The following CD300LF variants were observed in gnomAD, a reference collection of about 807,000 sequenced individuals.
CD300LF encodes the protein CMRF35-like molecule 1.
A neutral mutation model predicts 32.2 loss-of-function variants in CD300LF; 27 were observed. That is an observed-to-expected ratio of 0.84 (90% CI 0.62 to 1.15). The LOEUF is 1.15. Among genes scored for constraint, CD300LF ranks in the 50% most tolerant of loss-of-function variants. The pLI is 0.00. For missense variants in CD300LF, 348 were observed against 356.8 expected (o/e 0.98, Z 0.20); for synonymous variants, 139 against 143.2 (o/e 0.97, Z 0.21).
intron 2 of CD300LF, 21 bp downstream of exon 2, chr17:74,704,457 C>T: frequency 6.4e-7 from 1 of 1,556,500 alleles, no homozygotes; most frequent in East Asian, 2.2e-5. Context: ...GAGACACACA[C>T]ATATATACAC....
intron 5 of CD300LF, 112 bp downstream of exon 5, chr17:74,696,083 G>T: frequency 1.4e-6 from 2 of 1,409,774 alleles, no homozygotes; most frequent in East Asian, 2.3e-5. Context: ...ATGAGGACAG[G>T]ATACTTTGGC....
intron 1 of CD300LF, 33 bp downstream of exon 1, chr17:74,712,791 C>A (rs1351113356): frequency 3.1e-6 from 5 of 1,613,438 alleles, no homozygotes; most frequent in Admixed American, 3.3e-5. Flanking sequence ...GCTTGCTAAG[C>A]TTCCCCAAGA....
chr17:74,694,930 C>T lies in CD300LF; in HGVS notation c.*166G>A. 1 of 654,328 alleles carries T rather than the reference C, an allele frequency of 1.5e-6. No individual in the cohort carries two copies. The highest frequency in any genetic ancestry group is 2.5e-6 in the Non-Finnish European group (1 of 400,990). The allele number at this position is 654,328 out of a possible 1,614,324, so 40.5% of individuals were successfully genotyped here. A position where few individuals can be genotyped will look rare whatever the true frequency, so the allele number is the denominator to read the frequency against. ...GAAAACCCCAACTCCTAGAAGCCCC[C>T]TGAGACTTGGCCCCAAGCCCAACCC... On this transcript the variant is annotated 3_prime_UTR_variant, in exon 7 of 7. Transcript: ENST00000326165.
At position 74,704,727 on chromosome 17, in the gene CD300LF, C is replaced by T. The variant is rs527715372; in HGVS notation, c.133G>A (p.Gly45Ser). The change falls in exon 2 of 7, where the codon GGC becomes AGC. Residue 45 changes from glycine to serine, a missense_variant. By Grantham distance (56) the Gly-to-Ser change is moderately conservative. Coordinates refer to ENST00000326165, the MANE Select transcript of CD300LF (RefSeq NM_139018.5). ...SLTVQCVYRS[G>S]WETYLKWWCR... ...CACCACTTCAAGTAGGTCTCCCAGC[C>T]TGATCTGTAAACACACTGCACGGTC... 2 of 1,614,194 alleles carry T rather than the reference C, an allele frequency of 1.2e-6. No individual in the cohort carries two copies. The highest frequency in any genetic ancestry group is 2.7e-5 in the African/African-American group (2 of 75,046).
At chr17:74,711,423 C>A (rs2033953433) in intron 1 of CD300LF, among the ~76,000 whole-genome samples, 1 of 152,198 alleles carries the variant, frequency 6.6e-6, no homozygotes, top group African/African-American at 2.4e-5. Context: ...AACATCTCAC[C>A]CAAAGTCTGC....
At position 74,704,611 on chromosome 17, in the gene CD300LF, C is replaced by T; in HGVS notation, c.249G>A (p.Lys83=). 1.2e-6 allele frequency: 2 copies of T among 1,614,122 alleles called. No individual in the cohort carries two copies. The highest frequency in any genetic ancestry group is 1.7e-6 in the Non-Finnish European group (2 of 1,180,016). The stretch of plus-strand genomic sequence containing the variant: ...TGAACGTGCGGTTTTTCTGATTGTC[C>T]TTGATGGACACCCGGTCCCTCTTCA... The part of the protein sequence containing the change: ...QEVKRDRVSI[K]DNQKNRTFTV... Residue 83 remains lysine (K), a synonymous_variant, in exon 2 of 7, where the codon AAG becomes AAA. Coordinates refer to ENST00000326165, the MANE Select transcript of CD300LF (RefSeq NM_139018.5).
chr17:74,694,930 C>G lies in CD300LF; in HGVS notation c.*166G>C. On this transcript the variant is annotated 3_prime_UTR_variant, in exon 7 of 7. Transcript: ENST00000326165. ...GAAAACCCCAACTCCTAGAAGCCCC[C>G]TGAGACTTGGCCCCAAGCCCAACCC... 1.5e-6 allele frequency: 1 copy of G among 654,328 alleles called. No homozygotes were observed. Among genetic ancestry groups the G allele is most frequent in the Non-Finnish European group, 2.5e-6 (1 of 400,990 alleles). The allele number at this position is 654,328 out of a possible 1,614,324, so 40.5% of individuals were successfully genotyped here.
chr17:74,708,112 CACTCCAGGCTGA>C (rs199637078), intron 1 of CD300LF, among the ~76,000 whole-genome samples: 1,556 of 146,544 alleles, frequency 0.011, 14 homozygotes, highest in South Asian at 0.053. Context: ...CACATCACTG[CACTCCAGGCTGA>C]ACAACAGAAC....
chr17:74,698,597 G>C (rs1227985037), intron 3 of CD300LF, 116 bp from the exon 4 acceptor site: 10 of 1,506,066 alleles, frequency 6.6e-6, no homozygotes, highest in African/African-American at 1.4e-5. Flanking sequence ...CAGGTCTGTA[G>C]TTTGCAGCCT....
At chr17:74,709,963 T>A (rs1259564602) in intron 1 of CD300LF, among the ~76,000 whole-genome samples, 1 of 152,084 alleles carries the variant, frequency 6.6e-6, no homozygotes, top group Admixed American at 6.6e-5. Flanking sequence ...AATAACATGA[T>A]TCTGGAAGTT....
At position 74,696,196 on chromosome 17, in the gene CD300LF, T is replaced by C; in HGVS notation, c.581A>G (p.Gln194Arg). The C allele has an allele frequency of 6.2e-7, 1 of 1,605,560 alleles. No homozygotes were observed. The highest frequency in any genetic ancestry group is 8.5e-7 in the Non-Finnish European group (1 of 1,176,798). ...GTCCGACCTTGGGGGCTATCTTACC[T>C]GCTCTGGGGACATCCCGGCTGCTAA... ...QQKAAGMSPE[Q>R]VLQPLEGDLC... Residue 194 changes from glutamine (Q) to arginine (R), a missense_variant and splice_region_variant, in exon 5 of 7, where the codon CAG (glutamine) becomes CGG (arginine). Physicochemically the swap from Gln to Arg is conservative, Grantham distance 43. Transcript: ENST00000326165.
intron 1 of CD300LF, among the ~76,000 whole-genome samples, chr17:74,706,282 A>AAATAT (rs1555586595): frequency 1.6e-3 from 229 of 145,138 alleles, no homozygotes; most frequent in African/African-American, 5.3e-3. Context: ...GGAAAAAAAA[A>AAATAT]ATATATATAT....
rs779238660 is a variant in CD300LF at position 74,704,538 on chromosome 17, A to G, written c.322T>C (p.Cys108Arg). ...TCATTTCCAGTTTTCTCAATTCCAC[A>G]CCAGTAAGTGTCAGCATCAGTTTTC... ...LMKTDADTYW[C>R]GIEKTGNDLG... is the part of the protein sequence containing the mutation. The change falls in exon 2 of 7, where the codon TGT becomes CGT. Residue 108 changes from cysteine to arginine, a missense_variant. Transcript: ENST00000326165. 3.1e-6 allele frequency: 5 copies of G among 1,614,022 alleles called. No individual in the cohort carries two copies. In the Admixed American group the frequency reaches 8.3e-5, roughly 27 times the overall value.
intron 3 of CD300LF, among the ~76,000 whole-genome samples, chr17:74,702,743 C>T (rs1341556334): frequency 6.6e-6 from 1 of 152,180 alleles, no homozygotes; most frequent in African/African-American, 2.4e-5. Context: ...TGTCTGTGTC[C>T]CCAGAGCTCA....
At position 74,712,846 on chromosome 17, in the gene CD300LF, G is replaced by A. The variant is rs772311900; in HGVS notation, c.21C>T (p.Tyr7=). 1 of 1,614,086 alleles carries A rather than the reference G, an allele frequency of 6.2e-7. No homozygotes were observed. The highest frequency in any genetic ancestry group is 8.5e-7 in the Non-Finnish European group (1 of 1,179,988). Residue 7 remains tyrosine (Y), a synonymous_variant, in exon 1 of 7, where the codon TAC becomes TAT. Coordinates refer to ENST00000326165, the MANE Select transcript of CD300LF (RefSeq NM_139018.5). MPLLTL[Y]LLLFWLSGYS... is the part of the protein sequence containing the mutation. ...CACCTGAGAGCCAGAAGAGGAGCAG[G>A]TAGAGTGTCAGCAGGGGCATCTTCT...
intron 1 of CD300LF, among the ~76,000 whole-genome samples, chr17:74,706,674 C>T (rs1441375674): frequency 2.0e-5 from 3 of 152,034 alleles, no homozygotes; most frequent in Non-Finnish European, 4.4e-5. Flanking sequence ...ATCTCAAAAA[C>T]AAAACAAAAC....
chr17:74,703,049 G>C lies in CD300LF; in HGVS notation c.432C>G (p.His144Gln). Residue 144 changes from histidine (H) to glutamine (Q), a missense_variant, in exon 3 of 7, where the codon CAC (histidine) becomes CAG (glutamine). Coordinates refer to ENST00000326165, the MANE Select transcript of CD300LF (RefSeq NM_139018.5). ...AGCTGGCTTACCTGTTGTCCAAGTG[G>C]TGGCCGGTCAGAGTTGGGGAGCTGC... ...ETSSSPTLTG[H>Q]HLDNRHKLLK... The C allele has an allele frequency of 6.2e-7, 1 of 1,613,842 alleles. No homozygotes were observed.
intron 4 of CD300LF, among the ~76,000 whole-genome samples, chr17:74,696,925 TTTGGTTTG>T (rs2032540096): frequency 6.6e-6 from 1 of 151,440 alleles, no homozygotes; most frequent in African/African-American, 2.4e-5. Flanking sequence ...TTTGGTTTGG[TTTGGTTTG>T]GTTTGGTTTG....
Position 74,698,355 on chromosome 17 carries a change from C to G in CD300LF, c.559+14G>C, listed in dbSNP as rs765634345. On this transcript the variant is annotated intron_variant, in intron 4 of 6. Coordinates refer to ENST00000326165, the MANE Select transcript of CD300LF (RefSeq NM_139018.5). ...CGGCCCAGTCTCAGCCCAGCCTCAC[C>G]CAGGTCCTCTCACCTTTCTGCTGGT... 1.9e-6 allele frequency: 3 copies of G among 1,588,508 alleles called. No homozygotes were observed. In the South Asian group the frequency reaches 3.3e-5, roughly 18 times the overall value.
Sources: allele counts gnomAD v4.1 joint callset (sites outside exome capture counted in the v4.1 genomes callset), GRCh38; gene constraint gnomAD v4.1.1; transcripts MANE v1.5; gene names NCBI Gene and HGNC (gene_info 2026-07-23, HGNC 2026-07-21).